The following CACNA2D3 variants were observed in gnomAD, a reference collection of about 807,000 sequenced individuals.
CACNA2D3 encodes the protein voltage-dependent calcium channel subunit alpha-2/delta-3.
In CACNA2D3, 60 loss-of-function variants were observed where a neutral mutation model predicts 160.6. The ratio of observed to expected loss-of-function variants is 0.37; its 90% CI spans 0.30 to 0.46. The LOEUF (loss-of-function observed/expected upper bound fraction) is 0.46. Among genes scored for constraint, CACNA2D3 ranks in the 20% least tolerant of loss-of-function variants. The pLI, the probability that CACNA2D3 is intolerant of heterozygous loss-of-function variation, is 1.00. For synonymous variants in CACNA2D3, 558 were observed against 492.9 expected (o/e 1.13, Z -1.75); for missense variants, 1,205 against 1,365.0 (o/e 0.88, Z 1.85).
chr3:54,125,257 A>G (rs1373338379), intron 2 of CACNA2D3, among the ~76,000 whole-genome samples: 1 of 151,808 alleles, frequency 6.6e-6, no homozygotes, highest in Non-Finnish European at 1.5e-5. Flanking sequence ...ACACACACAC[A>G]CACACACACA....
chr3:54,277,684 A>G (rs1376500958), intron 2 of CACNA2D3, among the ~76,000 whole-genome samples: 1 of 152,128 alleles, frequency 6.6e-6, no homozygotes, highest in Non-Finnish European at 1.5e-5. Context: ...TGGTAGCTTG[A>G]TGGGGATAGC....
chr3:54,277,237 C>CTTCTAGGG (rs1168880088), intron 2 of CACNA2D3, among the ~76,000 whole-genome samples: 1 of 152,198 alleles, frequency 6.6e-6, no homozygotes, highest in Non-Finnish European at 1.5e-5. Context: ...CCTAGGTTTT[C>CTTCTAGGG]TTCTAGGGTT....
intron 13 of CACNA2D3, among the ~76,000 whole-genome samples, chr3:54,768,819 C>T (rs1702266711): frequency 6.6e-6 from 1 of 152,080 alleles, no homozygotes; most frequent in Non-Finnish European, 1.5e-5. Flanking sequence ...AAATGATAGC[C>T]CAACATTGTT....
chr3:54,430,784 T>G (rs1699978322), intron 4 of CACNA2D3, among the ~76,000 whole-genome samples: 1 of 152,190 alleles, frequency 6.6e-6, no homozygotes, highest in South Asian at 2.1e-4. Context: ...GAAATTTGCT[T>G]GACAACTAAT....
Position 54,323,530 on chromosome 3 carries a change from G to T in CACNA2D3, c.321+2972G>T, listed in dbSNP as rs1193811644. 2.7e-5 allele frequency among the ~76,000 whole-genome samples: 4 copies of T among 149,240 alleles called. No homozygotes were observed. The South Asian group carries it at 8.5e-4, about 32-fold the overall frequency. ...TGCCCAGGCTGGAGTGCAGTGATGC[G>T]ATCTCAGCTCACTGCAAGCTCCGCC... On this transcript the variant is annotated intron_variant, in intron 3 of 37. Transcript: ENST00000474759.
At chr3:55,053,821 G>A (rs1037669442) in intron 35 of CACNA2D3, among the ~76,000 whole-genome samples, 9 of 151,890 alleles carry the variant, frequency 5.9e-5, no homozygotes, top group Non-Finnish European at 1.2e-4. Context: ...ACAATGTAAA[G>A]GAGAAATGGT....
chr3:54,861,830 G>C (rs1420109823), intron 17 of CACNA2D3, among the ~76,000 whole-genome samples: 1 of 152,226 alleles, frequency 6.6e-6, no homozygotes, highest in East Asian at 1.9e-4. Flanking sequence ...GCTCCTGCCT[G>C]TGTTTCCATG....
chr3:54,968,562 G>T lies in CACNA2D3; in HGVS notation c.2511+51G>T, dbSNP rs1702204500. Reference sequence around the variant, plus strand: ...CATTAGCGACACTGTTATTATACAGGTGTTCCCATTTGGGTACCTGGAGCC... The same window carrying T: ...CATTAGCGACACTGTTATTATACAGTTGTTCCCATTTGGGTACCTGGAGCC... On this transcript the variant is annotated intron_variant, in intron 28 of 37. Coordinates refer to ENST00000474759, the MANE Select transcript of CACNA2D3 (RefSeq NM_018398.3). 3.6e-6 allele frequency: 5 copies of T among 1,393,292 alleles called. No homozygotes were observed. The East Asian group carries it at 7.1e-5, about 20-fold the overall frequency. The allele number at this position is 1,393,292 out of a possible 1,614,324, so 86.3% of individuals were successfully genotyped here.
chr3:54,617,458 C>T (rs1698878074), intron 9 of CACNA2D3, among the ~76,000 whole-genome samples: 1 of 152,174 alleles, frequency 6.6e-6, no homozygotes, highest in South Asian at 2.1e-4. Flanking sequence ...AGGTCCCATT[C>T]TCTGGCCACC....
Position 55,074,207 on chromosome 3 carries a change from C to CACTGACTGAGATGTTCTCTT in CACNA2D3, c.*22_*41dup, listed in dbSNP as rs71948046. The CACTGACTGAGATGTTCTCTT allele has an allele frequency of 2.6e-5, 42 of 1,592,950 alleles. No homozygotes were observed. Among genetic ancestry groups the CACTGACTGAGATGTTCTCTT allele is most frequent in the African/African-American group, 2.1e-4 (16 of 74,486 alleles). On this transcript the variant is annotated 3_prime_UTR_variant, in exon 38 of 38. Coordinates refer to ENST00000474759, the MANE Select transcript of CACNA2D3 (RefSeq NM_018398.3). ...GCTTTTGATGCTCTTCTCAAGGTGA[C>CACTGACTGAGATGTTCTCTT]ACTGACTGAGATGTTCTCTTACTGA...
intron 14 of CACNA2D3, among the ~76,000 whole-genome samples, chr3:54,834,114 G>T (rs188508351): frequency 6.6e-6 from 1 of 152,250 alleles, no homozygotes; most frequent in Admixed American, 6.5e-5. Flanking sequence ...CTATATTCTG[G>T]CTTAATATTT....
intron 3 of CACNA2D3, among the ~76,000 whole-genome samples, chr3:54,335,513 G>A (rs1255281618): frequency 1.3e-5 from 2 of 152,182 alleles, no homozygotes; most frequent in Non-Finnish European, 1.5e-5. Flanking sequence ...CAGTGAAGAC[G>A]ACCAGAGGTC....
chr3:54,897,027 G>T, intron 26 of CACNA2D3, 157 bp downstream of exon 26: 1 of 786,630 alleles, frequency 1.3e-6, no homozygotes, highest in Non-Finnish European at 2.0e-6. Context: ...CCAGTGACCA[G>T]TTCCATAAGA....
intron 2 of CACNA2D3, among the ~76,000 whole-genome samples, chr3:54,132,167 C>A (rs1699725254): frequency 6.6e-6 from 1 of 152,184 alleles, no homozygotes; most frequent in Non-Finnish European, 1.5e-5. Context: ...GCCCCACTGA[C>A]ATAATAATAG....
At chr3:54,679,508 A>C (rs1700304394) in intron 11 of CACNA2D3, among the ~76,000 whole-genome samples, 1 of 152,160 alleles carries the variant, frequency 6.6e-6, no homozygotes, top group South Asian at 2.1e-4. Context: ...CACATGGTCA[A>C]GCTGCTTGCA....
intron 11 of CACNA2D3, among the ~76,000 whole-genome samples, chr3:54,694,838 T>A (rs1700634514): frequency 6.6e-6 from 1 of 152,186 alleles, no homozygotes; most frequent in African/African-American, 2.4e-5. Flanking sequence ...TAGAAAAATA[T>A]AAGGAGAAAA....
chr3:54,855,351 TG>T (rs1699146271), intron 17 of CACNA2D3, among the ~76,000 whole-genome samples: 1 of 152,174 alleles, frequency 6.6e-6, no homozygotes, highest in South Asian at 2.1e-4. Context: ...TGCGCCCCAC[TG>T]TTTCTAACTT....
intron 2 of CACNA2D3, among the ~76,000 whole-genome samples, chr3:54,126,179 T>C (rs1352091338): frequency 6.6e-6 from 1 of 152,240 alleles, no homozygotes; most frequent in African/African-American, 2.4e-5. Context: ...ATCAATATAG[T>C]GTGTTCATTT....
At chr3:54,479,355 A>G (rs554031555) in intron 4 of CACNA2D3, among the ~76,000 whole-genome samples, 120 of 152,282 alleles carry the variant, frequency 7.9e-4, no homozygotes, top group Non-Finnish European at 1.4e-3. Flanking sequence ...AACTAATACA[A>G]TAGGGTTCAG....
Sources: gnomAD v4.1 joint callset for allele counts (sites outside exome capture counted in the v4.1 genomes callset) on GRCh38, gnomAD v4.1.1 for gene constraint, MANE v1.5 for transcripts, NCBI Gene and HGNC (gene_info 2026-07-23, HGNC 2026-07-21) for gene names.